IL15: variants seen among roughly 807,000 people sequenced by gnomAD.
IL15 encodes interleukin-15.
Under a neutral mutation model 19.6 loss-of-function variants are expected in IL15, and 11 were observed. The observed-to-expected ratio is 0.56, with a 90% confidence interval of 0.35 to 0.93. The LOEUF (loss-of-function observed/expected upper bound fraction) is 0.93, where lower values mean the gene tolerates loss of function less well. IL15 is among the 40% of genes least tolerant of loss of function. The probability of loss-of-function intolerance (pLI) is 0.01; values close to 1 mark genes in which losing one functional copy is unlikely to be tolerated. For synonymous variants in IL15, 58 were observed against 59.6 expected, an observed-to-expected ratio of 0.97 and a Z score of 0.12; for missense variants, 197 against 186.5, an observed-to-expected ratio of 1.06 and a Z score of -0.33.
rs140913908 is a variant in IL15, at chr4:141,647,548, G to A, written c.-221-8638G>A. Among the ~76,000 whole-genome samples the A allele has an allele frequency of 2.2e-4, 34 of 152,164 alleles. 1 individual carries two copies. In the East Asian group the frequency reaches 3.5e-3, roughly 16 times the overall value. ...GTCACATAAGACAACTAGAGGGACT[G>A]TCACTGAGCTAAGCACCCTGAAAGA... On this transcript the variant is annotated intron_variant, in intron 1 of 7. Coordinates refer to ENST00000320650, the MANE Select transcript of IL15 (RefSeq NM_000585.5).
intron 2 of IL15, among the ~76,000 whole-genome samples, chr4:141,687,188 C>A (rs1321878842): frequency 6.6e-6 from 1 of 152,190 alleles, no homozygotes. Context: ...TCCATCCTGG[C>A]AGCCTCCTCT....
At chr4:141,699,424 A>C (rs189081646) in intron 2 of IL15, among the ~76,000 whole-genome samples, 1 of 152,248 alleles carries the variant, frequency 6.6e-6, no homozygotes, top group Admixed American at 6.5e-5. Context: ...CTGTCAGAGG[A>C]GTATTGAAGT....
intron 2 of IL15, among the ~76,000 whole-genome samples, chr4:141,668,243 TGAGA>T (rs1728056528): frequency 6.6e-6 from 1 of 152,212 alleles, no homozygotes; most frequent in African/African-American, 2.4e-5. Flanking sequence ...GAAGGCCCTT[TGAGA>T]GAGACACTGC....
rs182101902 is a variant in IL15 at position 141,652,115 on chromosome 4, A to G, written c.-221-4071A>G. On this transcript the variant is annotated intron_variant, in intron 1 of 7. Transcript: ENST00000320650. ...CATAGGAGAAGTAATATAAAGCAGA[A>G]AAAATGAAAAGCAAAAATTATAAAG... Among the ~76,000 whole-genome samples the G allele has an allele frequency of 1.6e-3, 240 of 152,302 alleles. 1 individual carries two copies. The highest frequency in any genetic ancestry group is 5.6e-3 in the African/African-American group (232 of 41,576).
At chr4:141,716,590 G>A (rs1487883809) in intron 2 of IL15, 3 of 152,364 alleles carry the variant, frequency 2.0e-5, no homozygotes, top group African/African-American at 7.2e-5. Flanking sequence ...ACTTTGCACA[G>A]GGGTAGAACC....
intron 2 of IL15, among the ~76,000 whole-genome samples, chr4:141,658,799 A>G (rs1345323207): frequency 6.6e-6 from 1 of 152,068 alleles, no homozygotes; most frequent in Non-Finnish European, 1.5e-5. Context: ...GACAGTCATT[A>G]TTTATAAACT....
chr4:141,718,567 A>G (rs1411752950), intron 2 of IL15: 1 of 152,218 alleles, frequency 6.6e-6, no homozygotes, highest in Non-Finnish European at 1.5e-5. Flanking sequence ...ATCTTGCTTA[A>G]TACCTAAATA....
chr4:141,638,780 A>G (rs531820826), intron 1 of IL15, among the ~76,000 whole-genome samples: 171 of 152,354 alleles, frequency 1.1e-3, no homozygotes, highest in African/African-American at 3.8e-3. Context: ...CTAGAAGAGC[A>G]GCCCTGAAAT....
intron 2 of IL15, among the ~76,000 whole-genome samples, chr4:141,664,342 A>AACAC (rs35153516): frequency 0.15 from 19,983 of 130,724 alleles, 1,555 homozygotes; most frequent in East Asian, 0.22. Flanking sequence ...TGGTGGGCAA[A>AACAC]ACACACACAC....
intron 2 of IL15, among the ~76,000 whole-genome samples, chr4:141,670,117 A>T (rs982997482): frequency 2.6e-5 from 4 of 151,754 alleles, no homozygotes; most frequent in Non-Finnish European, 5.9e-5. Flanking sequence ...TAAAATTAAT[A>T]AAATTTTTCA....
intron 1 of IL15, among the ~76,000 whole-genome samples, chr4:141,650,837 AACTG>A (rs1727379768): frequency 6.6e-6 from 1 of 152,022 alleles, no homozygotes; most frequent in East Asian, 1.9e-4. Flanking sequence ...AAGACAAGGT[AACTG>A]ACACTTAAAG....
chr4:141,725,231 C>T (rs1465633185), intron 5 of IL15, among the ~76,000 whole-genome samples: 1 of 152,176 alleles, frequency 6.6e-6, no homozygotes, highest in Non-Finnish European at 1.5e-5. Flanking sequence ...TGCAACACCT[C>T]TCATGGCCTG....
intron 2 of IL15, among the ~76,000 whole-genome samples, chr4:141,674,132 A>G (rs1382764885): frequency 6.6e-6 from 1 of 152,178 alleles, no homozygotes; most frequent in Non-Finnish European, 1.5e-5. Context: ...AGGATTCCAT[A>G]ATTTTTAAGG....
At chr4:141,691,848 A>C (rs1411432898) in intron 2 of IL15, among the ~76,000 whole-genome samples, 1 of 152,150 alleles carries the variant, frequency 6.6e-6, no homozygotes, top group Admixed American at 6.5e-5. Context: ...CTATCTTTCT[A>C]GGTCTGGAGG....
intron 2 of IL15, among the ~76,000 whole-genome samples, chr4:141,711,806 T>C (rs189600202): frequency 1.3e-5 from 2 of 152,140 alleles, no homozygotes; most frequent in African/African-American, 2.4e-5. Flanking sequence ...TTTTCTAAGA[T>C]GTGCTATGAA....
intron 2 of IL15, among the ~76,000 whole-genome samples, chr4:141,673,184 C>T (rs1014872389): frequency 3.9e-5 from 6 of 152,170 alleles, no homozygotes; most frequent in Non-Finnish European, 4.4e-5. Flanking sequence ...AAATTTCCCA[C>T]TTTAGCATTT....
chr4:141,686,738 A>G (rs1728725805), intron 2 of IL15, among the ~76,000 whole-genome samples: 1 of 152,222 alleles, frequency 6.6e-6, no homozygotes, highest in African/African-American at 2.4e-5. Context: ...AAATTAGCTA[A>G]TTAGAACATT....
intron 2 of IL15, among the ~76,000 whole-genome samples, chr4:141,672,033 TTG>T (rs2152167813): frequency 6.6e-6 from 1 of 152,338 alleles, no homozygotes; most frequent in African/African-American, 2.4e-5. Flanking sequence ...ACTTATTTTG[TTG>T]TGTGTGTTTC....
At chr4:141,639,381 A>G (rs1353179057) in intron 1 of IL15, among the ~76,000 whole-genome samples, 1 of 152,196 alleles carries the variant, frequency 6.6e-6, no homozygotes, top group African/African-American at 2.4e-5. Context: ...ATATTTAAAG[A>G]TTATCTTTAT....
Sources: gnomAD v4.1 joint callset for allele counts (sites outside exome capture counted in the v4.1 genomes callset) on GRCh38, gnomAD v4.1.1 for gene constraint, MANE v1.5 for transcripts, NCBI Gene and HGNC (gene_info 2026-07-23, HGNC 2026-07-21) for gene names.